DLG2: variants seen among roughly 807,000 people sequenced by gnomAD.
DLG2 encodes disks large homolog 2.
A neutral mutation model predicts 132.5 loss-of-function variants in DLG2; 45 were observed. The ratio of observed to expected loss-of-function variants is 0.34; its 90% CI spans 0.27 to 0.44. The LOEUF (loss-of-function observed/expected upper bound fraction) is 0.44. Among genes scored for constraint, DLG2 ranks in the 20% least tolerant of loss-of-function variants. The probability of loss-of-function intolerance (pLI) is 1.00; values close to 1 mark genes in which losing one functional copy is unlikely to be tolerated. For synonymous variants in DLG2, 424 were observed against 419.6 expected (o/e 1.01, Z -0.13); for missense variants, 1,045 against 1,196.9 (o/e 0.87, Z 1.87).
chr11:83,643,815 C>T (rs145758536), intron 18 of DLG2: 317 of 152,038 alleles, frequency 2.1e-3, no homozygotes, highest in African/African-American at 6.8e-3. Flanking sequence ...GACTCAAACT[C>T]AAATCTTCTA....
chr11:83,866,642 C>T (rs2062437041), intron 16 of DLG2, among the ~76,000 whole-genome samples: 1 of 152,082 alleles, frequency 6.6e-6, no homozygotes, highest in Admixed American at 6.6e-5. Context: ...TACATTGAGA[C>T]CATTTTTAAA....
intron 17 of DLG2, chr11:83,814,893 T>C (rs763778425): frequency 3.3e-4 from 74 of 227,486 alleles, no homozygotes; most frequent in Non-Finnish European, 6.5e-4. Context: ...GATCCACCCA[T>C]GGCAGCTTCC....
intron 7 of DLG2, among the ~76,000 whole-genome samples, chr11:84,377,609 A>G (rs11234003): frequency 0.21 from 32,390 of 151,994 alleles, 4,709 homozygotes; most frequent in African/African-American, 0.41. Context: ...AAGAAAGAAG[A>G]AGAACAAGTT....
At chr11:84,542,013 G>C (rs2099373935) in intron 6 of DLG2, among the ~76,000 whole-genome samples, 1 of 152,092 alleles carries the variant, frequency 6.6e-6, no homozygotes, top group Admixed American at 6.6e-5. Context: ...CATGATAACT[G>C]ATCCAGAAAT....
intron 6 of DLG2, among the ~76,000 whole-genome samples, chr11:85,074,765 G>A (rs966775833): frequency 3.3e-5 from 5 of 151,810 alleles, no homozygotes; most frequent in Non-Finnish European, 4.4e-5. Flanking sequence ...TCATGCTTTT[G>A]TGCGGAGGAA....
intron 4 of DLG2, among the ~76,000 whole-genome samples, chr11:85,278,273 G>T (rs571286389): frequency 1.3e-5 from 2 of 152,064 alleles, no homozygotes; most frequent in Non-Finnish European, 2.9e-5. Context: ...CCTACCTACC[G>T]CTTCAAATCT....
At chr11:84,626,853 T>C (rs1029594897) in intron 6 of DLG2, among the ~76,000 whole-genome samples, 13 of 142,150 alleles carry the variant, frequency 9.1e-5, no homozygotes, top group African/African-American at 2.6e-4. Flanking sequence ...TTACATATTT[T>C]ATTTTATTTT....
chr11:84,318,611 T>C lies in DLG2; in HGVS notation c.520-67320A>G, dbSNP rs556942037. On this transcript the variant is annotated intron_variant, in intron 7 of 27. Transcript: ENST00000376104. ...CATTTGAACACTAAGACTCCCTGGA[T>C]AAATCACTGTTAGACTTAAAAATCT... Among the ~76,000 whole-genome samples, 3 of 152,344 alleles carry C rather than the reference T, an allele frequency of 2.0e-5. No homozygotes were observed. The South Asian group carries it at 6.2e-4, about 32-fold the overall frequency.
intron 3 of DLG2, among the ~76,000 whole-genome samples, chr11:85,497,732 C>T (rs577365694): frequency 8.8e-4 from 134 of 152,240 alleles, no homozygotes; most frequent in Admixed American, 1.4e-3. Flanking sequence ...GCTGATCTCT[C>T]GGCAGAAACC....
At chr11:85,131,468 T>C (rs182872824) in intron 5 of DLG2, among the ~76,000 whole-genome samples, 2 of 152,258 alleles carry the variant, frequency 1.3e-5, no homozygotes, top group Non-Finnish European at 2.9e-5. Flanking sequence ...TTTCCTTTAG[T>C]AGATTACATA....
chr11:84,674,634 A>G (rs942886389), intron 6 of DLG2, among the ~76,000 whole-genome samples: 1 of 152,146 alleles, frequency 6.6e-6, no homozygotes, highest in Non-Finnish European at 1.5e-5. Flanking sequence ...CTGTCACTTT[A>G]GTTGAGTATA....
chr11:85,052,124 T>C (rs1211044536), intron 6 of DLG2, among the ~76,000 whole-genome samples: 4 of 152,084 alleles, frequency 2.6e-5, no homozygotes, highest in Non-Finnish European at 5.9e-5. Flanking sequence ...AAAATCAATA[T>C]GCAAGAAAAG....
chr11:85,608,482 T>C (rs976598169), intron 2 of DLG2, among the ~76,000 whole-genome samples: 6 of 152,164 alleles, frequency 3.9e-5, no homozygotes, highest in Admixed American at 1.3e-4. Flanking sequence ...TTTCTTTTCA[T>C]TGAAGGAGAA....
intron 8 of DLG2, among the ~76,000 whole-genome samples, chr11:84,223,631 A>T (rs1267889786): frequency 6.7e-6 from 1 of 149,508 alleles, no homozygotes; most frequent in Admixed American, 6.8e-5. Flanking sequence ...ATATTGGCTC[A>T]CTGCAACCTC....
intron 6 of DLG2, among the ~76,000 whole-genome samples, chr11:85,096,891 A>G (rs1181123299): frequency 1.3e-5 from 2 of 151,806 alleles, no homozygotes; most frequent in Non-Finnish European, 2.9e-5. Flanking sequence ...CTCTCTAACA[A>G]CCCCTGATTT....
intron 14 of DLG2, among the ~76,000 whole-genome samples, chr11:83,947,018 C>T (rs1014386852): frequency 2.0e-5 from 3 of 152,076 alleles, no homozygotes; most frequent in Non-Finnish European, 4.4e-5. Flanking sequence ...AGTATATGAT[C>T]GAAACTAATA....
chr11:84,165,889 T>C (rs2095651123), intron 8 of DLG2, among the ~76,000 whole-genome samples: 1 of 151,842 alleles, frequency 6.6e-6, no homozygotes. Context: ...AAGAGTGAGA[T>C]CCCGTCTCAA....
chr11:83,765,342 G>C (rs1397273383), intron 18 of DLG2, among the ~76,000 whole-genome samples: 2 of 152,188 alleles, frequency 1.3e-5, no homozygotes, highest in African/African-American at 4.8e-5. Context: ...AAAATACTGA[G>C]AGGCAGCAGA....
At chr11:85,139,644 G>C (rs1367131700) in intron 5 of DLG2, among the ~76,000 whole-genome samples, 15 of 151,856 alleles carry the variant, frequency 9.9e-5, no homozygotes, top group Admixed American at 9.8e-4. Context: ...GTCAAGAACA[G>C]CTAAAATCTA....
Sources: gnomAD v4.1 joint callset for allele counts (sites outside exome capture counted in the v4.1 genomes callset) on GRCh38, gnomAD v4.1.1 for gene constraint, MANE v1.5 for transcripts, NCBI Gene and HGNC (gene_info 2026-07-23, HGNC 2026-07-21) for gene names.